WAPL: variants seen among roughly 807,000 people sequenced by gnomAD.
The protein encoded by WAPL is WAPL cohesin release factor.
A neutral mutation model predicts 121.0 loss-of-function variants in WAPL; 5 were observed. The ratio of observed to expected loss-of-function variants is 0.04; its 90% CI spans 0.02 to 0.09. WAPL has a LOEUF of 0.09. Ranked by LOEUF, WAPL falls within the 10% of genes least tolerant of loss-of-function variation. The pLI is 1.00. For synonymous variants in WAPL, 480 were observed against 481.5 expected, an observed-to-expected ratio of 1.00 and a Z score of 0.04; for missense variants, 999 against 1,410.8, an observed-to-expected ratio of 0.71 and a Z score of 4.68.
At chr10:86,498,532 A>C (rs1490606360) in intron 3 of WAPL, among the ~76,000 whole-genome samples, 1 of 152,220 alleles carries the variant, frequency 6.6e-6, no homozygotes, top group African/African-American at 2.4e-5. Flanking sequence ...AGAATGACTT[A>C]TATTCTACAA....
At chr10:86,464,145 G>A (rs952264883) in intron 9 of WAPL, among the ~76,000 whole-genome samples, 1 of 152,158 alleles carries the variant, frequency 6.6e-6, no homozygotes, top group African/African-American at 2.4e-5. Flanking sequence ...ACGTGTAAAG[G>A]ATATTCATTG....
At chr10:86,494,226 T>C (rs1010690497) in intron 4 of WAPL, among the ~76,000 whole-genome samples, 1 of 152,162 alleles carries the variant, frequency 6.6e-6, no homozygotes, top group Non-Finnish European at 1.5e-5. Flanking sequence ...TCTCTATCCC[T>C]GAATACACTA....
chr10:86,462,120 T>C (rs923084465), intron 9 of WAPL, among the ~76,000 whole-genome samples: 1 of 152,172 alleles, frequency 6.6e-6, no homozygotes, highest in African/African-American at 2.4e-5. Flanking sequence ...ACTTTGGCTG[T>C]TGTTTTTCTT....
intron 15 of WAPL, among the ~76,000 whole-genome samples, chr10:86,447,384 A>G (rs984120568): frequency 6.6e-6 from 1 of 152,198 alleles, no homozygotes; most frequent in African/African-American, 2.4e-5. Context: ...GTTACAGGTT[A>G]CTCTGAAGAC....
At chr10:86,492,442 T>C (rs1218929130) in intron 4 of WAPL, among the ~76,000 whole-genome samples, 1 of 152,176 alleles carries the variant, frequency 6.6e-6, no homozygotes, top group Non-Finnish European at 1.5e-5. Context: ...CCTAACTAAA[T>C]TATAAAATGA....
chr10:86,499,219 G>A (rs539846739), intron 3 of WAPL, among the ~76,000 whole-genome samples: 3 of 152,258 alleles, frequency 2.0e-5, no homozygotes, highest in East Asian at 3.9e-4. Context: ...TACAACTTGG[G>A]ACCTGATCAT....
Position 86,521,730 on chromosome 10 carries a change from T to C in WAPL, c.-388A>G, listed in dbSNP as rs868668477. The C allele has an allele frequency of 2.2e-6, 1 of 450,398 alleles. No individual in the cohort carries two copies. The highest frequency in any genetic ancestry group is 4.6e-6 in the Non-Finnish European group (1 of 218,630). 27.9% of individuals were successfully genotyped at this position (450,398 alleles called of 1,614,324 possible). A position where few individuals can be genotyped will look rare whatever the true frequency, so the allele number is the denominator to read the frequency against. On this transcript the variant is annotated 5_prime_UTR_variant, in exon 1 of 19. It removes an upstream start codon present in the reference 5' UTR. Coordinates refer to ENST00000298767, the MANE Select transcript of WAPL (RefSeq NM_015045.5). Reference sequence around the variant, plus strand: ...GGAGTTTGAACAGGGCCCTGAACCATCTCAACGCCATTTGCGCTCCCGGCC... The same window carrying C: ...GGAGTTTGAACAGGGCCCTGAACCACCTCAACGCCATTTGCGCTCCCGGCC...
chr10:86,475,625 T>G (rs1347035530), intron 4 of WAPL, among the ~76,000 whole-genome samples: 1 of 152,236 alleles, frequency 6.6e-6, no homozygotes, highest in East Asian at 1.9e-4. Flanking sequence ...CTGAAACAAT[T>G]TATGCACTCA....
Position 86,472,103 on chromosome 10 carries a change from C to A in WAPL, c.2030+105G>T. 9.5e-7 allele frequency: 1 copy of A among 1,050,034 alleles called. No individual in the cohort carries two copies. The highest frequency in any genetic ancestry group is 1.3e-6 in the Non-Finnish European group (1 of 746,982). 65.0% of individuals were successfully genotyped at this position (1,050,034 alleles called of 1,614,324 possible). A position where few individuals can be genotyped will look rare whatever the true frequency, so the allele number is the denominator to read the frequency against. On this transcript the variant is annotated intron_variant, in intron 7 of 18. Transcript: ENST00000298767. This position sits in a 1 kb window ranked among gnomAD's most constrained non-coding sequence, Gnocchi z 4.2. ...ACATATCACTGGCTATACATACTAC[C>A]CCATCATAACAAAATAAAAAATGTT...
intron 2 of WAPL, among the ~76,000 whole-genome samples, chr10:86,501,977 C>T (rs1199091080): frequency 6.6e-6 from 1 of 152,222 alleles, no homozygotes; most frequent in Admixed American, 6.5e-5. Context: ...CAGGCATGAG[C>T]CACCACGTCC....
intron 9 of WAPL, 95 bp from the exon 10 acceptor site, chr10:86,461,382 G>GTAAAT: frequency 1.2e-6 from 1 of 851,802 alleles, no homozygotes; most frequent in Non-Finnish European, 1.9e-6. Context: ...GCTACATGTA[G>GTAAAT]TTTAACACCA....
chr10:86,440,318 C>G (rs957803893), intron 17 of WAPL, among the ~76,000 whole-genome samples: 3 of 150,666 alleles, frequency 2.0e-5, no homozygotes, highest in Non-Finnish European at 4.4e-5. Flanking sequence ...GATGGAGTCT[C>G]GCTCTGTTGC....
At chr10:86,496,317 T>G (rs1489857267) in intron 4 of WAPL, among the ~76,000 whole-genome samples, 1 of 151,978 alleles carries the variant, frequency 6.6e-6, no homozygotes, top group Non-Finnish European at 1.5e-5. Context: ...ACGAAGAAAC[T>G]AGGGCCCTCA....
intron 4 of WAPL, among the ~76,000 whole-genome samples, chr10:86,495,840 C>T (rs534577583): frequency 4.6e-5 from 7 of 152,204 alleles, no homozygotes; most frequent in Middle Eastern, 3.4e-3. Flanking sequence ...AAGGGCCGGG[C>T]ACGGTGGCTC....
At chr10:86,459,226 A>G (rs549496145) in intron 11 of WAPL, among the ~76,000 whole-genome samples, 161 bp from the exon 12 acceptor site, 1 of 152,352 alleles carries the variant, frequency 6.6e-6, no homozygotes, top group African/African-American at 2.4e-5. Flanking sequence ...CAGGTGTAAA[A>G]TAAGAAAGCT....
At chr10:86,501,372 G>A (rs893651995) in intron 2 of WAPL, among the ~76,000 whole-genome samples, 2 of 152,126 alleles carry the variant, frequency 1.3e-5, no homozygotes, top group African/African-American at 4.8e-5. Flanking sequence ...TCCTCAGCCT[G>A]CCTATTCATC....
intron 4 of WAPL, among the ~76,000 whole-genome samples, chr10:86,485,033 G>C (rs1403804653): frequency 6.6e-6 from 1 of 151,248 alleles, no homozygotes; most frequent in East Asian, 1.9e-4. Context: ...GTGCTCACTC[G>C]TGCTCTCTCT....
Position 86,502,824 on chromosome 10 carries a change from T to C in WAPL, c.500-2081A>G, listed in dbSNP as rs536977981. Among the ~76,000 whole-genome samples the C allele has an allele frequency of 9.2e-5, 14 of 152,304 alleles. No homozygotes were observed. In the South Asian group the frequency reaches 2.7e-3, roughly 29 times the overall value. The stretch of plus-strand genomic sequence containing the variant: ...AAAGAGACTTCATAAAAAAGACCCA[T>C]ACCAAACTATATTACACTACGTCTA... On this transcript the variant is annotated intron_variant, in intron 2 of 18. Transcript: ENST00000298767.
intron 16 of WAPL, among the ~76,000 whole-genome samples, chr10:86,444,629 G>A (rs1412748835): frequency 6.6e-6 from 1 of 152,130 alleles, no homozygotes; most frequent in African/African-American, 2.4e-5. Context: ...CAAATCCATA[G>A]ACACAGAAAG....
Sources: allele counts gnomAD v4.1 joint callset (sites outside exome capture counted in the v4.1 genomes callset), GRCh38; gene constraint gnomAD v4.1.1; non-coding constraint Gnocchi (gnomAD v3.1); transcripts MANE v1.5; gene names NCBI Gene and HGNC (gene_info 2026-07-23, HGNC 2026-07-21).